The following MTMR7 variants were observed in gnomAD, a reference collection of about 807,000 sequenced individuals.
MTMR7 encodes myotubularin related protein 7.
In MTMR7, 76 loss-of-function variants were observed where a neutral mutation model predicts 81.2. The observed-to-expected ratio is 0.94, with a 90% CI of 0.78 to 1.13. The LOEUF (loss-of-function observed/expected upper bound fraction) is 1.13. MTMR7 is among the 50% of genes most tolerant of loss of function. MTMR7 has a pLI of 0.00. For missense variants in MTMR7, 1,044 were observed against 820.0 expected (o/e 1.27, Z -3.34); for synonymous variants, 372 against 289.8 (o/e 1.28, Z -2.88).
At chr8:17,341,109 T>C (rs1351549970) in intron 6 of MTMR7, among the ~76,000 whole-genome samples, 2 of 152,120 alleles carry the variant, frequency 1.3e-5, no homozygotes, top group Non-Finnish European at 2.9e-5. Context: ...CCACATTCAT[T>C]TGGGTGCCCC....
chr8:17,337,388 GC>G (rs1258694090), intron 6 of MTMR7, among the ~76,000 whole-genome samples: 3 of 147,518 alleles, frequency 2.0e-5, no homozygotes, highest in Admixed American at 6.8e-5. Context: ...AAAAGTGCCT[GC>G]CATTTTTACA....
chr8:17,356,255 C>T (rs35642230), intron 4 of MTMR7, among the ~76,000 whole-genome samples: 55,093 of 152,016 alleles, frequency 0.36, 12,774 homozygotes, highest in East Asian at 0.71. Context: ...TTAATGGTTA[C>T]AAACTAACTT....
chr8:17,304,652 G>A (rs987905250), intron 11 of MTMR7, 133 bp from the exon 12 acceptor site: 2 of 857,176 alleles, frequency 2.3e-6, no homozygotes, highest in Non-Finnish European at 1.8e-6. Flanking sequence ...GCAGGTAAAT[G>A]TATCATCTTG....
At position 17,364,018 on chromosome 8, in the gene MTMR7, A is replaced by ATTT. The variant is rs1257807634; in HGVS notation, c.311-2745_311-2744insAAA. ...TATTTCTGGGGTAAAAAGTGTTGCT[A>ATTT]TTATTTTTTTTTTTTTTTTTTTTTT... On this transcript the variant is annotated intron_variant, in intron 3 of 13. Transcript: ENST00000180173. Among the ~76,000 whole-genome samples, 18 of 53,806 alleles carry ATTT rather than the reference A, an allele frequency of 3.3e-4. 2 individuals are homozygous for ATTT. The highest frequency in any genetic ancestry group is 0.011 in the Middle Eastern group (1 of 92). 35.3% of individuals were successfully genotyped at this position (53,806 alleles called of 152,430 possible).
chr8:17,335,585 C>T (rs529500948), intron 6 of MTMR7, among the ~76,000 whole-genome samples: 64 of 152,296 alleles, frequency 4.2e-4, no homozygotes, highest in Admixed American at 1.4e-3. Flanking sequence ...CTGATCTTGG[C>T]AGGAGGGGGA....
chr8:17,310,832 A>G (rs1817741544), intron 9 of MTMR7, among the ~76,000 whole-genome samples: 2 of 152,168 alleles, frequency 1.3e-5, no homozygotes, highest in South Asian at 4.1e-4. Flanking sequence ...AGCACTGTCT[A>G]CCAAATCATG....
chr8:17,390,651 G>C (rs914845911), intron 1 of MTMR7, among the ~76,000 whole-genome samples: 1 of 152,082 alleles, frequency 6.6e-6, no homozygotes, highest in Admixed American at 6.6e-5. Flanking sequence ...AAGGAAAGAG[G>C]TTTAATTGAC....
chr8:17,376,792 T>C (rs1451714697), intron 1 of MTMR7, among the ~76,000 whole-genome samples: 2 of 152,176 alleles, frequency 1.3e-5, no homozygotes, highest in Non-Finnish European at 2.9e-5. Flanking sequence ...GACCTAATCC[T>C]AGTTTACTAA....
At chr8:17,329,600 T>C (rs1818886834) in intron 7 of MTMR7, among the ~76,000 whole-genome samples, 1 of 152,210 alleles carries the variant, frequency 6.6e-6, no homozygotes, top group Non-Finnish European at 1.5e-5. Context: ...CAAAGAAGAA[T>C]ATTTATGTTC....
At chr8:17,412,391 C>A (rs1821758873) in intron 1 of MTMR7, among the ~76,000 whole-genome samples, 1 of 152,182 alleles carries the variant, frequency 6.6e-6, no homozygotes, top group African/African-American at 2.4e-5. Flanking sequence ...ACGCAAGGAG[C>A]TGTGGTGGTA....
At chr8:17,376,177 T>C (rs977249778) in intron 1 of MTMR7, among the ~76,000 whole-genome samples, 4 of 152,246 alleles carry the variant, frequency 2.6e-5, no homozygotes, top group African/African-American at 9.6e-5. Context: ...TCATACAACA[T>C]GTCATACTTT....
rs1042004136 is a variant in MTMR7, at chr8:17,401,765, G to C, written c.24+11504C>G. ...CAGCACTGGAAGGGTGAAATGCCAA[G>C]ATTGGAAAGAGCACAAGAGGAGAAA... On this transcript the variant is annotated intron_variant, in intron 1 of 13. Transcript: ENST00000180173. Among the ~76,000 whole-genome samples the C allele has an allele frequency of 4.6e-5, 7 of 152,310 alleles. No homozygotes were observed. The East Asian group carries it at 9.6e-4, about 21-fold the overall frequency.
intron 2 of MTMR7, among the ~76,000 whole-genome samples, chr8:17,372,308 C>T (rs900026155): frequency 2.3e-4 from 35 of 152,158 alleles, no homozygotes; most frequent in African/African-American, 2.4e-4. Context: ...AGGCCACACA[C>T]GGTGGCTCAT....
rs774427127 is a variant in MTMR7 at position 17,305,938 on chromosome 8, C to A, written c.1171G>T (p.Asp391Tyr). ...ATAACTGGAGAGATTTCTTTTGGGTCACCATCTAGATTGCCATATCTATAA... is the reference window on the plus strand; with the variant it reads ...ATAACTGGAGAGATTTCTTTTGGGTAACCATCTAGATTGCCATATCTATAA... Reference protein sequence around the residue: ...FNHRYGNLDGDPKEISPVIDQ... With the variant: ...FNHRYGNLDGYPKEISPVIDQ... Residue 391 changes from aspartate (D) to tyrosine (Y), a missense_variant, in exon 11 of 14, where the codon GAC (aspartate) becomes TAC (tyrosine). Transcript: ENST00000180173. The A allele has an allele frequency of 2.5e-6, 4 of 1,613,138 alleles. No homozygotes were observed. The East Asian group carries it at 6.7e-5, about 27-fold the overall frequency.
chr8:17,358,124 C>T (rs935449845), intron 4 of MTMR7, among the ~76,000 whole-genome samples: 6 of 151,740 alleles, frequency 4.0e-5, no homozygotes, highest in Non-Finnish European at 7.4e-5. Context: ...AGTATTTTAC[C>T]GCAAAAAAGA....
At chr8:17,326,769 GC>G (rs2150521400) in intron 7 of MTMR7, among the ~76,000 whole-genome samples, 1 of 152,308 alleles carries the variant, frequency 6.6e-6, no homozygotes, top group East Asian at 1.9e-4. Flanking sequence ...TGAGAACGCA[GC>G]CCAGCTGCCA....
intron 7 of MTMR7, among the ~76,000 whole-genome samples, chr8:17,325,395 G>A (rs1463440202): frequency 1.3e-5 from 2 of 152,178 alleles, no homozygotes; most frequent in African/African-American, 2.4e-5. Flanking sequence ...AACAGATCGG[G>A]TATCATCTCT....
At chr8:17,307,128 G>A (rs1817504966) in intron 10 of MTMR7, among the ~76,000 whole-genome samples, 1 of 152,038 alleles carries the variant, frequency 6.6e-6, no homozygotes, top group Non-Finnish European at 1.5e-5. Flanking sequence ...GAAAATTTTT[G>A]CAACCTACTC....
chr8:17,362,865 C>G (rs1413326390), intron 3 of MTMR7, among the ~76,000 whole-genome samples: 1 of 152,182 alleles, frequency 6.6e-6, no homozygotes, highest in Admixed American at 6.5e-5. Context: ...CATGAAAACT[C>G]AGGTTTCAAA....
Sources: allele counts gnomAD v4.1 joint callset (sites outside exome capture counted in the v4.1 genomes callset), GRCh38; gene constraint gnomAD v4.1.1; transcripts MANE v1.5; gene names NCBI Gene and HGNC (gene_info 2026-07-23, HGNC 2026-07-21).